Variants in TOP3A observed in about 807,000 individuals in gnomAD.
TOP3A encodes DNA topoisomerase 3-alpha.
TOP3A carries 64 observed loss-of-function variants against 111.3 expected under a neutral mutation model. The ratio of observed to expected loss-of-function variants is 0.57; its 90% CI spans 0.47 to 0.71. The LOEUF (loss-of-function observed/expected upper bound fraction) is 0.71, where lower values mean the gene tolerates loss of function less well. TOP3A is among the 30% of genes least tolerant of loss of function. The probability of loss-of-function intolerance (pLI) is 0.00; values close to 1 mark genes in which losing one functional copy is unlikely to be tolerated. For missense variants in TOP3A, 1,104 were observed against 1,285.0 expected (o/e 0.86, Z 2.15); for synonymous variants, 484 against 485.1 (o/e 1.00, Z 0.03).
At chr17:18,288,597 G>A (rs956161679) in intron 13 of TOP3A, among the ~76,000 whole-genome samples, 1 of 152,148 alleles carries the variant, frequency 6.6e-6, no homozygotes, top group African/African-American at 2.4e-5. Context: ...AGTCAGGCTT[G>A]GATCATCTTT....
At chr17:18,301,527 CAATA>C (rs1179054405) in intron 8 of TOP3A, among the ~76,000 whole-genome samples, 3 of 152,130 alleles carry the variant, frequency 2.0e-5, no homozygotes, top group Non-Finnish European at 4.4e-5. Context: ...CTCATGTGAC[CAATA>C]AAGAGGGGGC....
chr17:18,296,746 A>G (rs896385147), intron 9 of TOP3A, among the ~76,000 whole-genome samples: 1 of 152,130 alleles, frequency 6.6e-6, no homozygotes, highest in East Asian at 1.9e-4. Context: ...TGTATGTCCA[A>G]CCTCCAGAGT....
chr17:18,301,854 G>A (rs372168892), intron 8 of TOP3A, 31 bp downstream of exon 8: 4 of 1,578,614 alleles, frequency 2.5e-6, no homozygotes, highest in Middle Eastern at 1.7e-4. Flanking sequence ...GAGGTGTGCA[G>A]AATGTTTCCT....
In TOP3A at chr17:18,294,591, G is replaced by C. The variant is rs1002897920; in HGVS notation, c.1073+112C>G. On this transcript the variant is annotated intron_variant, in intron 10 of 18. Coordinates refer to ENST00000321105, the MANE Select transcript of TOP3A (RefSeq NM_004618.5). ...GATCTGCCCGCCTCAGCCACCCAAA[G>C]TGATGGGATTACAGGTGTGAGCCAC... is the stretch of plus-strand genomic sequence containing the variant. 8 of 746,342 alleles carry C rather than the reference G, an allele frequency of 1.1e-5. No individual in the cohort carries two copies. In the African/African-American group the frequency reaches 1.2e-4, roughly 11 times the overall value. 46.2% of individuals were successfully genotyped at this position (746,342 alleles called of 1,614,324 possible).
chr17:18,313,832 G>C (rs1156365661), intron 1 of TOP3A, among the ~76,000 whole-genome samples: 1 of 152,168 alleles, frequency 6.6e-6, no homozygotes, highest in Non-Finnish European at 1.5e-5. Context: ...AGAAAAATGA[G>C]CAGGGAACTT....
chr17:18,277,755 C>G lies in TOP3A; in HGVS notation c.2747G>C (p.Gly916Ala). The change falls in exon 18 of 19, where the codon GGG becomes GCG. Residue 916 changes from glycine to alanine, a missense_variant. Coordinates refer to ENST00000321105, the MANE Select transcript of TOP3A (RefSeq NM_004618.5). ...CTTGGCACATGTGTGGAACTGGCGC[C>G]CCTTGTTGGGTCCATCCTTCTGCAC... ...RTVQKDGPNK[G>A]RQFHTCAKPR... is the part of the protein sequence containing the mutation. The G allele has an allele frequency of 6.2e-7, 1 of 1,614,208 alleles. No individual in the cohort carries two copies. The highest frequency in any genetic ancestry group is 8.5e-7 in the Non-Finnish European group (1 of 1,180,036).
chr17:18,297,649 T>C (rs1403661194), intron 9 of TOP3A, among the ~76,000 whole-genome samples: 2 of 152,070 alleles, frequency 1.3e-5, no homozygotes, highest in African/African-American at 2.4e-5. Context: ...GGTCTCCAGC[T>C]CCTAACCGCT....
intron 2 of TOP3A, 39 bp downstream of exon 2, chr17:18,308,843 C>T (rs770178228): frequency 2.9e-6 from 4 of 1,362,426 alleles, no homozygotes; most frequent in South Asian, 2.7e-5. Context: ...CTTTCTCTTG[C>T]TTATGATTGA....
chr17:18,281,468 T>C (rs952937866), intron 16 of TOP3A, among the ~76,000 whole-genome samples: 3 of 152,040 alleles, frequency 2.0e-5, no homozygotes, highest in Admixed American at 2.0e-4. Context: ...ATTCAGAGAA[T>C]TGGAGAATTC....
chr17:18,290,136 A>G (rs992520366), intron 13 of TOP3A, among the ~76,000 whole-genome samples: 1 of 152,244 alleles, frequency 6.6e-6, no homozygotes, highest in Admixed American at 6.5e-5. Context: ...CATGGGAAGG[A>G]GGCTCAGGGC....
rs1925 is a variant in TOP3A at position 18,274,401 on chromosome 17, G to A, written c.*401C>T. The stretch of plus-strand genomic sequence containing the variant: ...GCCCTGGGCAGCCTGGACAGGGACT[G>A]CCCCATGAGTGCTGGTGGCTCACTT... On this transcript the variant is annotated 3_prime_UTR_variant, in exon 19 of 19. Coordinates refer to ENST00000321105, the MANE Select transcript of TOP3A (RefSeq NM_004618.5). The A allele has an allele frequency of 0.22, 35,663 of 162,092 alleles. 4,157 individuals carry two copies. Among genetic ancestry groups the A allele is most frequent in the East Asian group, 0.3 (1,725 of 5,788 alleles). The allele number at this position is 162,092 out of a possible 1,614,324, so 10.0% of individuals were successfully genotyped here. A position where few individuals can be genotyped will look rare whatever the true frequency, so the allele number is the denominator to read the frequency against.
At position 18,290,958 on chromosome 17, in the gene TOP3A, C is replaced by T. The variant is rs1980439451; in HGVS notation, c.1351G>A (p.Gly451Arg). The T allele has an allele frequency of 6.2e-7, 1 of 1,614,202 alleles. No individual in the cohort carries two copies. The highest frequency in any genetic ancestry group is 1.7e-5 in the Admixed American group (1 of 60,016). The change falls in exon 12 of 19, where the codon GGG becomes AGG. Residue 451 changes from glycine to arginine, a missense_variant. Gly to Arg is a moderately radical substitution (Grantham distance 125). Transcript: ENST00000321105. ...TCGATCTCCACTGTGGTCTCCTGCCCCTGAGCATCCTGGGAGCAGCAAGCC... is the reference window on the plus strand; with the variant it reads ...TCGATCTCCACTGTGGTCTCCTGCCTCTGAGCATCCTGGGAGCAGCAAGCC... The part of the protein sequence containing the change: ...FLACCSQDAQ[G>R]QETTVEIDIA...
chr17:18,302,514 A>C lies in TOP3A; in HGVS notation c.643+66T>G. ...GGGCTGGCTGCACATATCGACACAG[A>C]GCCCATTTTTGGTCCCATAACACAA... On this transcript the variant is annotated intron_variant, in intron 6 of 18. Transcript: ENST00000321105. The C allele has an allele frequency of 1.9e-6, 3 of 1,597,744 alleles. No homozygotes were observed. In the South Asian group the frequency reaches 3.3e-5, roughly 18 times the overall value.
In TOP3A at chr17:18,277,932, C is replaced by T; in HGVS notation, c.2570G>A (p.Gly857Glu). 6.2e-7 allele frequency: 1 copy of T among 1,613,958 alleles called. No individual in the cohort carries two copies. Among genetic ancestry groups the T allele is most frequent in the Non-Finnish European group, 8.5e-7 (1 of 1,180,038 alleles). ...LWADSPNPGA[G>E]GPPALAYRPL... ...TCTATATGCCAAGGCAGGAGGCCCT[C>T]CTGCTCCCGGATTGGGGCTGTCTGC... is the stretch of plus-strand genomic sequence containing the variant. The change falls in exon 18 of 19, where the codon GGA becomes GAA. Residue 857 changes from glycine (G) to glutamate (E), a missense_variant. By Grantham distance (98) the Gly-to-Glu change is moderately conservative (BLOSUM62 -2). Transcript: ENST00000321105.
rs1981255033 is a variant in TOP3A, at chr17:18,301,942, T to C, written c.858A>G (p.Lys286=). 4 of 1,614,084 alleles carry C rather than the reference T, an allele frequency of 2.5e-6. No individual in the cohort carries two copies. The highest frequency in any genetic ancestry group is 3.4e-6 in the Non-Finnish European group (4 of 1,180,048). ...CCGTGTGGTTAAAGAGTCGATGCCTTTTCCAGTTGAATTCTACGATACCAT... is the reference window on the plus strand; with the variant it reads ...CCGTGTGGTTAAAGAGTCGATGCCTCTTCCAGTTGAATTCTACGATACCAT... The part of the protein sequence containing the change: ...HKDGIVEFNW[K]RHRLFNHTAC... The change falls in exon 8 of 19, where the codon AAA becomes AAG. Residue 286 remains lysine (K), a synonymous_variant. Transcript: ENST00000321105.
intron 8 of TOP3A, 117 bp from the exon 9 acceptor site, chr17:18,299,750 G>A (rs892062814): frequency 1.1e-4 from 99 of 911,008 alleles, no homozygotes; most frequent in South Asian, 6.4e-4. Flanking sequence ...AGCTAAGCCC[G>A]CAGTGACAGC....
chr17:18,281,228 T>A (rs1022090455), intron 16 of TOP3A, among the ~76,000 whole-genome samples: 4 of 152,204 alleles, frequency 2.6e-5, no homozygotes, highest in African/African-American at 9.7e-5. Context: ...GCATGTGATT[T>A]ACAAATTCCT....
chr17:18,295,143 C>A (rs536911799), intron 9 of TOP3A, among the ~76,000 whole-genome samples: 1 of 152,292 alleles, frequency 6.6e-6, no homozygotes, highest in Admixed American at 6.5e-5. Flanking sequence ...GCTACCATAT[C>A]CAGCCCAAAC....
rs1401508949 is a variant in TOP3A at position 18,294,745 on chromosome 17, G to A, written c.1031C>T (p.Ala344Val). 6.2e-7 allele frequency: 1 copy of A among 1,613,826 alleles called. No homozygotes were observed. Among genetic ancestry groups the A allele is most frequent in the Admixed American group, 1.7e-5 (1 of 59,996 alleles). Residue 344 changes from alanine to valine, a missense_variant, in exon 10 of 19, where the codon GCT becomes GTT. Coordinates refer to ENST00000321105, the MANE Select transcript of TOP3A (RefSeq NM_004618.5). Reference sequence around the variant, plus strand: ...CTCAGCAATCCTCATGGTTTCTTTAGCATTTATTCTCAACTTTCGAGAAGC... The same window carrying A: ...CTCAGCAATCCTCATGGTTTCTTTAACATTTATTCTCAACTTTCGAGAAGC... ...KLASRKLRIN[A>V]KETMRIAEKL...
Sources: allele counts gnomAD v4.1 joint callset (sites outside exome capture counted in the v4.1 genomes callset), GRCh38; gene constraint gnomAD v4.1.1; transcripts MANE v1.5; gene names NCBI Gene and HGNC (gene_info 2026-07-23, HGNC 2026-07-21).